Variants in CDH12 observed in about 807,000 individuals in gnomAD.
CDH12 encodes the protein cadherin 12.
A neutral mutation model predicts 74.1 loss-of-function variants in CDH12; 41 were observed. The ratio of observed to expected loss-of-function variants is 0.55; its 90% CI spans 0.43 to 0.72. CDH12 has a LOEUF of 0.72. CDH12 is among the 30% of genes least tolerant of loss of function. The pLI is 0.00. For synonymous variants in CDH12, 399 were observed against 355.0 expected, an observed-to-expected ratio of 1.12 and a Z score of -1.39; for missense variants, 945 against 977.2, an observed-to-expected ratio of 0.97 and a Z score of 0.44.
intron 6 of CDH12, among the ~76,000 whole-genome samples, chr5:21,916,890 G>A (rs13160278): frequency 0.74 from 112,619 of 151,964 alleles, 44,292 homozygotes; most frequent in East Asian, 0.93. Flanking sequence ...TTTCACTCAC[G>A]TAGGCTCTCT....
At chr5:22,487,299 G>A (rs1746648569) in intron 2 of CDH12, among the ~76,000 whole-genome samples, 1 of 152,120 alleles carries the variant, frequency 6.6e-6, no homozygotes, top group Admixed American at 6.5e-5. Flanking sequence ...ACTGTACCTG[G>A]CCAATGCATA....
intron 6 of CDH12, among the ~76,000 whole-genome samples, chr5:21,950,294 C>T (rs970146123): frequency 1.3e-5 from 2 of 152,094 alleles, no homozygotes; most frequent in African/African-American, 4.8e-5. Context: ...TTGCCTAATG[C>T]ATTTCTCAGA....
chr5:22,322,274 C>A (rs2150437999), intron 3 of CDH12, among the ~76,000 whole-genome samples: 1 of 151,854 alleles, frequency 6.6e-6, no homozygotes, highest in East Asian at 1.9e-4. Context: ...GGAGTTAAGG[C>A]CAAGCATTAA....
intron 1 of CDH12, among the ~76,000 whole-genome samples, chr5:22,539,852 C>G (rs968943873): frequency 6.6e-6 from 1 of 152,158 alleles, no homozygotes; most frequent in Non-Finnish European, 1.5e-5. Context: ...TGAAACAGAA[C>G]CCAATCTTGG....
intron 5 of CDH12, among the ~76,000 whole-genome samples, chr5:22,065,123 C>T (rs1741467173): frequency 6.6e-6 from 1 of 152,150 alleles, no homozygotes; most frequent in African/African-American, 2.4e-5. Flanking sequence ...GATGCTGTTA[C>T]CTTGCAAGAC....
chr5:22,690,452 T>C (rs1742025648), intron 1 of CDH12, among the ~76,000 whole-genome samples: 1 of 152,150 alleles, frequency 6.6e-6, no homozygotes, highest in Admixed American at 6.6e-5. Flanking sequence ...AAAGCTGTAA[T>C]GGTTAGCAAG....
chr5:22,719,822 T>C (rs1264581864), intron 1 of CDH12, among the ~76,000 whole-genome samples: 1 of 152,164 alleles, frequency 6.6e-6, no homozygotes, highest in Non-Finnish European at 1.5e-5. Context: ...TTTGCTATAA[T>C]TGGAAATATT....
Position 21,950,757 on chromosome 5 carries a change from TTTATTA to T in CDH12, c.526+24328_526+24333del, listed in dbSNP as rs71609723. On this transcript the variant is annotated intron_variant, in intron 6 of 14. Coordinates refer to ENST00000382254, the MANE Select transcript of CDH12 (RefSeq NM_004061.5). ...AATATATCAGCTACATAAATTTTAT[TTTATTA>T]TTATTATTATTATTATTATTATTAT... Among the ~76,000 whole-genome samples the T allele has an allele frequency of 7.9e-3, 1,077 of 136,982 alleles. 12 individuals carry two copies. The highest frequency in any genetic ancestry group is 0.02 in the African/African-American group (741 of 37,658). 89.9% of individuals were successfully genotyped at this position (136,982 alleles called of 152,430 possible).
At chr5:22,516,589 G>A (rs564460964) in intron 1 of CDH12, among the ~76,000 whole-genome samples, 62 of 152,136 alleles carry the variant, frequency 4.1e-4, no homozygotes, top group African/African-American at 1.4e-3. Flanking sequence ...GTGTCCAGGA[G>A]TTCGAGACCA....
chr5:22,739,221 G>A (rs1046904706), intron 1 of CDH12, among the ~76,000 whole-genome samples: 7 of 151,542 alleles, frequency 4.6e-5, no homozygotes, highest in Admixed American at 4.6e-4. Context: ...TGTGTAAAAA[G>A]GAAAGAAATC....
intron 2 of CDH12, among the ~76,000 whole-genome samples, chr5:22,422,837 A>C (rs547190414): frequency 6.6e-6 from 1 of 152,160 alleles, no homozygotes; most frequent in Non-Finnish European, 1.5e-5. Context: ...TGAGTAAAAA[A>C]CTAGATTCCA....
At chr5:21,911,442 A>G (rs1465661231) in intron 6 of CDH12, among the ~76,000 whole-genome samples, 1 of 152,104 alleles carries the variant, frequency 6.6e-6, no homozygotes, top group Non-Finnish European at 1.5e-5. Context: ...GTGAAGGGCT[A>G]TTATATGAAA....
rs1195221466 is a variant in CDH12, at chr5:22,422,628, A to T, written c.-427-17277T>A. Reference sequence around the variant, plus strand: ...ATGGATCTAATAAAAAGATTTTTTTATATATTGAGAACCTGGCAAGCTTGT... The same window carrying T: ...ATGGATCTAATAAAAAGATTTTTTTTTATATTGAGAACCTGGCAAGCTTGT... On this transcript the variant is annotated intron_variant, in intron 2 of 14. Transcript: ENST00000382254. Among the ~76,000 whole-genome samples, 7 of 152,116 alleles carry T rather than the reference A, an allele frequency of 4.6e-5. No individual in the cohort carries two copies. The East Asian group carries it at 1.2e-3, about 25-fold the overall frequency.
In CDH12 at chr5:22,140,738, G is replaced by A. The variant is rs1452439232; in HGVS notation, c.-186-61876C>T. Among the ~76,000 whole-genome samples, 2 of 152,176 alleles carry A rather than the reference G, an allele frequency of 1.3e-5. 1 individual carries two copies. Among genetic ancestry groups the A allele is most frequent in the South Asian group, 4.2e-4 (2 of 4,816 alleles). Reference sequence around the variant, plus strand: ...ATCTTTATCACAACAGAATGTTCTGGGAGAGTCCCCTTGGATTTAGGACAC... The same window carrying A: ...ATCTTTATCACAACAGAATGTTCTGAGAGAGTCCCCTTGGATTTAGGACAC... On this transcript the variant is annotated intron_variant, in intron 4 of 14. Coordinates refer to ENST00000382254, the MANE Select transcript of CDH12 (RefSeq NM_004061.5).
chr5:22,716,159 A>G (rs2126981989), intron 1 of CDH12, among the ~76,000 whole-genome samples: 1 of 152,212 alleles, frequency 6.6e-6, no homozygotes, highest in African/African-American at 2.4e-5. Context: ...ACAAACAAAA[A>G]ACATACATAT....
chr5:21,866,340 C>T (rs566716434), intron 6 of CDH12, among the ~76,000 whole-genome samples: 1 of 152,244 alleles, frequency 6.6e-6, no homozygotes, highest in African/African-American at 2.4e-5. Flanking sequence ...CAGAAGAAGA[C>T]AGGAAAACGT....
chr5:22,609,148 G>GCAT (rs1226357718), intron 1 of CDH12, among the ~76,000 whole-genome samples: 1 of 152,086 alleles, frequency 6.6e-6, no homozygotes, highest in Non-Finnish European at 1.5e-5. Flanking sequence ...TTTCTCCAAG[G>GCAT]CATCAAATCG....
intron 8 of CDH12, among the ~76,000 whole-genome samples, chr5:21,835,366 T>G (rs1255315180): frequency 6.7e-6 from 1 of 149,296 alleles, no homozygotes; most frequent in Non-Finnish European, 1.5e-5. Context: ...CGTATGTGTG[T>G]GTATATATAT....
chr5:21,979,487 C>G (rs1208506326), intron 5 of CDH12, among the ~76,000 whole-genome samples: 1 of 152,118 alleles, frequency 6.6e-6, no homozygotes, highest in Non-Finnish European at 1.5e-5. Flanking sequence ...ATCTTTCATT[C>G]CAGCGCTTAA....
Sources: gnomAD v4.1 joint callset for allele counts (sites outside exome capture counted in the v4.1 genomes callset) on GRCh38, gnomAD v4.1.1 for gene constraint, MANE v1.5 for transcripts, NCBI Gene and HGNC (gene_info 2026-07-23, HGNC 2026-07-21) for gene names.